The following PANX1 variants were observed in gnomAD, a reference collection of about 807,000 sequenced individuals.
The protein encoded by PANX1 is pannexin-1.
In PANX1, 30 loss-of-function variants were observed where a neutral mutation model predicts 38.7. That is an observed-to-expected ratio of 0.78 (90% CI 0.58 to 1.05). PANX1 has a LOEUF of 1.05. Among genes scored for constraint, PANX1 ranks in the 50% least tolerant of loss-of-function variants. The pLI, the probability that PANX1 is intolerant of heterozygous loss-of-function variation, is 0.00. For synonymous variants in PANX1, 230 were observed against 212.2 expected, an observed-to-expected ratio of 1.08 and a Z score of -0.73; for missense variants, 551 against 517.2, an observed-to-expected ratio of 1.07 and a Z score of -0.63.
At position 94,179,883 on chromosome 11, in the gene PANX1, T is replaced by G; in HGVS notation, c.827T>G (p.Leu276Arg). ...KLIAVGIFQLLSVINLVVYVL... is the reference protein window; with the variant it reads ...KLIAVGIFQLRSVINLVVYVL... ...ATTGCCGTGGGCATCTTCCAGTTGCTCAGTGTCATTAACCTTGTGGTTTAT... is the reference window on the plus strand; with the variant it reads ...ATTGCCGTGGGCATCTTCCAGTTGCGCAGTGTCATTAACCTTGTGGTTTAT... The change falls in exon 4 of 5, where the codon CTC becomes CGC. Residue 276 changes from leucine (L) to arginine (R), a missense_variant. Coordinates refer to ENST00000227638, the MANE Select transcript of PANX1 (RefSeq NM_015368.4). The G allele has an allele frequency of 2.5e-6, 4 of 1,614,156 alleles. No homozygotes were observed. Among genetic ancestry groups the G allele is most frequent in the Non-Finnish European group, 3.4e-6 (4 of 1,180,010 alleles).
chr11:94,144,514 T>C (rs1946804545), intron 1 of PANX1, among the ~76,000 whole-genome samples: 1 of 152,118 alleles, frequency 6.6e-6, no homozygotes. Context: ...CCTTAGGCGC[T>C]CTGGGTGGGG....
chr11:94,172,242 G>T (rs566131520), intron 2 of PANX1, among the ~76,000 whole-genome samples: 2 of 151,476 alleles, frequency 1.3e-5, no homozygotes, highest in Non-Finnish European at 2.9e-5. Context: ...GGTTTTTATC[G>T]GCTTCCCAGG....
chr11:94,172,433 G>C (rs181781681), intron 2 of PANX1, among the ~76,000 whole-genome samples: 16 of 151,932 alleles, frequency 1.1e-4, no homozygotes, highest in African/African-American at 3.9e-4. Context: ...GATAACTGAG[G>C]TTTGTGGTCT....
chr11:94,138,496 C>T lies in PANX1; in HGVS notation c.181+9003C>T, dbSNP rs117412331. On this transcript the variant is annotated intron_variant, in intron 1 of 4. Coordinates refer to ENST00000227638, the MANE Select transcript of PANX1 (RefSeq NM_015368.4). ...TCCTTTGAATTCTGTTTATGTTAAGCATTTTTGTTTTTTAATTTTTAATTT... is the reference window on the plus strand; with the variant it reads ...TCCTTTGAATTCTGTTTATGTTAAGTATTTTTGTTTTTTAATTTTTAATTT... Among the ~76,000 whole-genome samples the T allele has an allele frequency of 7.3e-3, 1,105 of 151,994 alleles. 9 individuals are homozygous for T. Among genetic ancestry groups the T allele is most frequent in the South Asian group, 0.017 (81 of 4,810 alleles).
intron 2 of PANX1, among the ~76,000 whole-genome samples, chr11:94,163,201 T>C (rs1020451244): frequency 1.3e-5 from 2 of 152,238 alleles, no homozygotes; most frequent in Admixed American, 1.3e-4. Context: ...ACATAATATT[T>C]GTACATATTT....
chr11:94,132,651 A>C (rs528691274), intron 1 of PANX1, among the ~76,000 whole-genome samples: 1 of 152,080 alleles, frequency 6.6e-6, no homozygotes, highest in East Asian at 1.9e-4. Context: ...CTGTAATTAC[A>C]TGTTTTTCCT....
chr11:94,155,961 A>G (rs1565378424), intron 2 of PANX1, among the ~76,000 whole-genome samples: 1 of 152,166 alleles, frequency 6.6e-6, no homozygotes, highest in Non-Finnish European at 1.5e-5. Flanking sequence ...TGTAAATCCA[A>G]ATTTTTACTG....
intron 1 of PANX1, among the ~76,000 whole-genome samples, chr11:94,141,079 A>G (rs932371262): frequency 3.9e-5 from 6 of 152,200 alleles, no homozygotes; most frequent in Non-Finnish European, 8.8e-5. Flanking sequence ...TAGTATCGTG[A>G]ACATAGTTTT....
chr11:94,130,956 CTT>C (rs576391432), intron 1 of PANX1, among the ~76,000 whole-genome samples: 268 of 152,356 alleles, frequency 1.8e-3, no homozygotes, highest in African/African-American at 6.3e-3. Flanking sequence ...TTTTCCTGCT[CTT>C]TGCGCAGGCA....
intron 1 of PANX1, among the ~76,000 whole-genome samples, chr11:94,135,666 G>A (rs977348202): frequency 2.0e-5 from 3 of 152,140 alleles, no homozygotes; most frequent in Non-Finnish European, 4.4e-5. Context: ...TCTACTGTTG[G>A]ATACATGTTT....
Position 94,180,401 on chromosome 11 carries a change from G to C in PANX1, c.1201+144G>C, listed in dbSNP as rs1947292336. 3 of 664,430 alleles carry C rather than the reference G, an allele frequency of 4.5e-6. No homozygotes were observed. In the South Asian group the frequency reaches 6.6e-5, roughly 15 times the overall value. The allele number at this position is 664,430 out of a possible 1,614,324, so 41.2% of individuals were successfully genotyped here. ...ACCTTAATACCAAGGTGCGGGGTAG[G>C]GGGAGTGGGAACCCCTCAGTATAAG... On this transcript the variant is annotated intron_variant, in intron 4 of 4. Transcript: ENST00000227638.
intron 3 of PANX1, 22 bp downstream of exon 3, chr11:94,178,614 G>T: frequency 6.3e-7 from 1 of 1,580,318 alleles, no homozygotes; most frequent in Non-Finnish European, 8.7e-7. Context: ...CCAGCAGGCA[G>T]CTCATCGGGT....
chr11:94,129,296 C>A lies in PANX1; in HGVS notation c.-17C>A, dbSNP rs763736544. On this transcript the variant is annotated 5_prime_UTR_variant, in exon 1 of 5. Coordinates refer to ENST00000227638, the MANE Select transcript of PANX1 (RefSeq NM_015368.4). ...GCTGTACCCGGACCTCCTGGTCGAG[C>A]CTGGCGCGCCGCAGCCATGGCCATC... The A allele has an allele frequency of 3.1e-6, 5 of 1,595,758 alleles. No individual in the cohort carries two copies. The highest frequency in any genetic ancestry group is 4.3e-6 in the Non-Finnish European group (5 of 1,166,470).
At chr11:94,153,376 C>G in intron 1 of PANX1, 115 bp from the exon 2 acceptor site, 1 of 1,019,066 alleles carries the variant, frequency 9.8e-7, no homozygotes, top group Non-Finnish European at 1.5e-6. Flanking sequence ...GTCCTAATGT[C>G]TCCACCTCCT....
intron 2 of PANX1, among the ~76,000 whole-genome samples, chr11:94,171,283 C>T (rs980899721): frequency 2.6e-5 from 4 of 151,684 alleles, no homozygotes; most frequent in Non-Finnish European, 5.9e-5. Context: ...TCAGGCATCC[C>T]ACTCCCTGTC....
Position 94,179,851 on chromosome 11 carries a change from C to T in PANX1, c.795C>T (p.Cys265=). Residue 265 remains cysteine, a synonymous_variant, in exon 4 of 5, where the codon TGC becomes TGT. Coordinates refer to ENST00000227638, the MANE Select transcript of PANX1 (RefSeq NM_015368.4). The stretch of plus-strand genomic sequence containing the variant: ...GCACCGTGCCCGATCAGTTTCAGTG[C>T]AAACTCATTGCCGTGGGCATCTTCC... ...NDSTVPDQFQ[C]KLIAVGIFQL... is the part of the protein sequence containing the mutation. The T allele has an allele frequency of 5.0e-6, 8 of 1,614,074 alleles. No homozygotes were observed. Among genetic ancestry groups the T allele is most frequent in the Non-Finnish European group, 5.9e-6 (7 of 1,180,016 alleles).
chr11:94,164,593 TG>T (rs1310253475), intron 2 of PANX1, among the ~76,000 whole-genome samples: 1 of 152,264 alleles, frequency 6.6e-6, no homozygotes, highest in Non-Finnish European at 1.5e-5. Context: ...AGACTTGTTT[TG>T]TGGCCTAACA....
intron 2 of PANX1, among the ~76,000 whole-genome samples, chr11:94,161,771 C>A (rs953591994): frequency 1.1e-4 from 16 of 152,214 alleles, no homozygotes; most frequent in African/African-American, 3.9e-4. Context: ...TGAGGAGCTG[C>A]ATTCCTTTGG....
At position 94,171,906 on chromosome 11, in the gene PANX1, C is replaced by CTTTT. The variant is rs58904240; in HGVS notation, c.322-6456_322-6453dup. 2.6e-4 allele frequency among the ~76,000 whole-genome samples: 38 copies of CTTTT among 145,302 alleles called. 1 individual carries two copies. The highest frequency in any genetic ancestry group is 3.6e-4 in the African/African-American group (14 of 38,424). ...CGCTCTAACACTGCTTGAGAACTGG[C>CTTTT]TTTTTTTTTTCCTTTGAGTGTTCTG... On this transcript the variant is annotated intron_variant, in intron 2 of 4. Transcript: ENST00000227638.
Sources: allele counts gnomAD v4.1 joint callset (sites outside exome capture counted in the v4.1 genomes callset), GRCh38; gene constraint gnomAD v4.1.1; transcripts MANE v1.5; gene names NCBI Gene and HGNC (gene_info 2026-07-23, HGNC 2026-07-21).